The following UBE3C variants were observed in gnomAD, a reference collection of about 807,000 sequenced individuals.
The protein encoded by UBE3C is ubiquitin-protein ligase E3C.
In UBE3C, 42 loss-of-function variants were observed where a neutral mutation model predicts 129.4. The observed-to-expected ratio is 0.32, with a 90% CI of 0.25 to 0.42. The LOEUF is 0.42. UBE3C is among the 10% of genes least tolerant of loss of function. UBE3C has a pLI of 1.00. For missense variants in UBE3C, 1,049 were observed against 1,319.1 expected (o/e 0.80, Z 3.17); for synonymous variants, 510 against 492.4 (o/e 1.04, Z -0.47).
intron 10 of UBE3C, among the ~76,000 whole-genome samples, chr7:157,187,653 G>C (rs1334679519): frequency 6.6e-6 from 1 of 151,342 alleles, no homozygotes; most frequent in Admixed American, 6.6e-5. Flanking sequence ...TCGGCTCACT[G>C]TAGGCTCTGC....
intron 18 of UBE3C, among the ~76,000 whole-genome samples, chr7:157,242,537 T>TTTTTA (rs1554436967): frequency 1.4e-4 from 19 of 140,546 alleles, no homozygotes; most frequent in East Asian, 2.2e-4. Flanking sequence ...TTTTTTTTTT[T>TTTTTA]AAATTCCTAC....
intron 1 of UBE3C, among the ~76,000 whole-genome samples, chr7:157,149,615 A>C (rs1195538859): frequency 6.6e-6 from 1 of 152,144 alleles, no homozygotes; most frequent in Non-Finnish European, 1.5e-5. Context: ...GATATCCCCT[A>C]CTTGGCTTTA....
intron 18 of UBE3C, among the ~76,000 whole-genome samples, chr7:157,241,219 AGT>A (rs1227220070): frequency 6.6e-6 from 1 of 152,216 alleles, no homozygotes; most frequent in Non-Finnish European, 1.5e-5. Flanking sequence ...GTCGCAGCAT[AGT>A]CAGGAAAAAA....
chr7:157,139,320 T>A lies in UBE3C; in HGVS notation c.48T>A (p.Leu16=), dbSNP rs1430475352. 3 of 1,582,846 alleles carry A rather than the reference T, an allele frequency of 1.9e-6. No homozygotes were observed. The African/African-American group carries it at 4.2e-5, about 22-fold the overall frequency. ...GDFKTRPKVS[L]GGASRKEEKA... is the part of the protein sequence containing the mutation. Reference sequence around the variant, plus strand: ...TCAAGACGCGGCCCAAGGTGTCCCTTGGCGGCGCGAGCAGGAAGGTGAGGG... The same window carrying A: ...TCAAGACGCGGCCCAAGGTGTCCCTAGGCGGCGCGAGCAGGAAGGTGAGGG... Residue 16 remains leucine (L), a synonymous_variant, in exon 1 of 23, where the codon CTT becomes CTA. Transcript: ENST00000348165.
At chr7:157,231,370 T>C (rs188546117) in intron 18 of UBE3C, 43 bp downstream of exon 18, 2 of 1,599,248 alleles carry the variant, frequency 1.3e-6, no homozygotes, top group African/African-American at 2.7e-5. Flanking sequence ...GACCAAAAGA[T>C]GTTGACATTT....
chr7:157,231,353 G>A, intron 18 of UBE3C, 26 bp downstream of exon 18: 1 of 1,606,684 alleles, frequency 6.2e-7, no homozygotes, highest in African/African-American at 1.3e-5. Flanking sequence ...TATAAAAATA[G>A]ACCTCGGACC....
At chr7:157,157,781 C>G (rs769120235) in intron 1 of UBE3C, among the ~76,000 whole-genome samples, 1 of 152,086 alleles carries the variant, frequency 6.6e-6, no homozygotes, top group African/African-American at 2.4e-5. Flanking sequence ...TTGAGACCAG[C>G]CTGGCCAACG....
At chr7:157,162,196 AT>A (rs71189985) in intron 1 of UBE3C, among the ~76,000 whole-genome samples, 2 of 151,448 alleles carry the variant, frequency 1.3e-5, no homozygotes, top group African/African-American at 4.9e-5. Context: ...AAGATATTTA[AT>A]TTTTTTTTCT....
intron 1 of UBE3C, among the ~76,000 whole-genome samples, chr7:157,153,213 C>T (rs1176596961): frequency 6.6e-6 from 1 of 152,100 alleles, no homozygotes; most frequent in African/African-American, 2.4e-5. Flanking sequence ...CAAAACAAAA[C>T]AAAATTGTTC....
At position 157,139,278 on chromosome 7, in the gene UBE3C, C is replaced by T; in HGVS notation, c.6C>T (p.Phe2=). 6.3e-7 allele frequency: 1 copy of T among 1,579,448 alleles called. No individual in the cohort carries two copies. ...ACATGGGCTAGGCTGCCAGGATGTTCAGCTTCGAAGGCGACTTCAAGACGC... is the reference window on the plus strand; with the variant it reads ...ACATGGGCTAGGCTGCCAGGATGTTTAGCTTCGAAGGCGACTTCAAGACGC... The part of the protein sequence containing the change: M[F]SFEGDFKTRP... Residue 2 remains phenylalanine, a synonymous_variant, in exon 1 of 23, where the codon TTC becomes TTT. Transcript: ENST00000348165.
Position 157,183,933 on chromosome 7 carries a change from C to T in UBE3C, c.1047C>T (p.Leu349=), listed in dbSNP as rs1224932845. The change falls in exon 9 of 23, where the codon CTC becomes CTT. Residue 349 remains leucine (L), a synonymous_variant. Coordinates refer to ENST00000348165, the MANE Select transcript of UBE3C (RefSeq NM_014671.3). ...LVYLRVLQTF[L]SQLPVSPASA... ...ATTTGCGGGTGCTGCAGACCTTCCTCTCTCAGTTACCAGTCTCTCCTGCCA... is the reference window on the plus strand; with the variant it reads ...ATTTGCGGGTGCTGCAGACCTTCCTTTCTCAGTTACCAGTCTCTCCTGCCA... 2.5e-6 allele frequency: 4 copies of T among 1,614,218 alleles called. No homozygotes were observed. The highest frequency in any genetic ancestry group is 4.5e-5 in the East Asian group (2 of 44,890).
At chr7:157,236,957 C>G (rs997412845) in intron 18 of UBE3C, among the ~76,000 whole-genome samples, 20 of 152,042 alleles carry the variant, frequency 1.3e-4, no homozygotes, top group Non-Finnish European at 2.8e-4. Context: ...GTCTCGAAAT[C>G]CTGACCTCAG....
chr7:157,237,368 G>A (rs1374995181), intron 18 of UBE3C, among the ~76,000 whole-genome samples: 3 of 152,114 alleles, frequency 2.0e-5, no homozygotes, highest in Admixed American at 1.3e-4. Flanking sequence ...GTGAACCCGG[G>A]AGGCGGAGCT....
intron 2 of UBE3C, among the ~76,000 whole-genome samples, chr7:157,167,531 C>T (rs763713771): frequency 6.6e-6 from 1 of 151,810 alleles, no homozygotes; most frequent in Admixed American, 6.6e-5. Context: ...AAATGCCTCT[C>T]TCTCTCTCTT....
intron 10 of UBE3C, among the ~76,000 whole-genome samples, chr7:157,188,782 G>C: frequency 6.6e-6 from 1 of 150,958 alleles, no homozygotes; most frequent in Non-Finnish European, 1.5e-5. Context: ...AACTGTTACA[G>C]ATTTTAACTG....
At chr7:157,139,408 G>GGGTTGGACTCGA (rs2116765712) in intron 1 of UBE3C, 70 bp downstream of exon 1, 1 of 1,427,476 alleles carries the variant, frequency 7.0e-7, no homozygotes, top group Non-Finnish European at 9.2e-7. Flanking sequence ...CTGGGACTCG[G>GGGTTGGACTCGA]GGCTGGACTC....
At chr7:157,162,792 A>C (rs1379496795) in intron 1 of UBE3C, among the ~76,000 whole-genome samples, 9 of 152,180 alleles carry the variant, frequency 5.9e-5, no homozygotes, top group Non-Finnish European at 1.2e-4. Context: ...TGCAGGGATT[A>C]CAGGCATGAG....
intron 18 of UBE3C, among the ~76,000 whole-genome samples, chr7:157,235,005 A>G (rs1462380361): frequency 6.6e-6 from 1 of 152,156 alleles, no homozygotes; most frequent in African/African-American, 2.4e-5. Flanking sequence ...CAGCCTGACC[A>G]ACATGGAGAA....
At chr7:157,210,101 C>T (rs1239890475) in intron 13 of UBE3C, among the ~76,000 whole-genome samples, 1 of 152,006 alleles carries the variant, frequency 6.6e-6, no homozygotes, top group African/African-American at 2.4e-5. Flanking sequence ...TGCTAGAACC[C>T]GGGAGGCAGA....
Sources: allele counts gnomAD v4.1 joint callset (sites outside exome capture counted in the v4.1 genomes callset), GRCh38; gene constraint gnomAD v4.1.1; transcripts MANE v1.5; gene names NCBI Gene and HGNC (gene_info 2026-07-23, HGNC 2026-07-21).